Variants in EXD3 observed in about 807,000 individuals in gnomAD.
EXD3 encodes exonuclease 3'-5' domain containing 3.
EXD3 carries 92 observed loss-of-function variants against 98.0 expected under a neutral mutation model. The ratio of observed to expected loss-of-function variants is 0.94; its 90% CI spans 0.79 to 1.12. The LOEUF is 1.12. EXD3 is among the 50% of genes most tolerant of loss of function. EXD3 has a pLI of 0.00. For missense variants in EXD3, 1,222 were observed against 1,191.6 expected (o/e 1.03, Z -0.38); for synonymous variants, 569 against 526.0 (o/e 1.08, Z -1.12).
intron 1 of EXD3, among the ~76,000 whole-genome samples, chr9:137,402,203 A>G (rs1837506903): frequency 6.6e-6 from 1 of 151,992 alleles, no homozygotes; most frequent in South Asian, 2.1e-4. Context: ...TTTAGTAGAG[A>G]TGTGGTTTCA....
At chr9:137,325,772 A>G (rs966245051) in intron 17 of EXD3, among the ~76,000 whole-genome samples, 4 of 152,132 alleles carry the variant, frequency 2.6e-5, no homozygotes, top group Non-Finnish European at 4.4e-5. Context: ...ACCAACTCAA[A>G]AACATCAGAG....
intron 7 of EXD3, chr9:137,365,709 T>G (rs902610102): frequency 1.4e-5 from 4 of 278,016 alleles, no homozygotes; most frequent in Non-Finnish European, 2.7e-5. Flanking sequence ...TACACACCCA[T>G]GCACACACAC....
chr9:137,387,103 C>G (rs1836640059), intron 2 of EXD3, among the ~76,000 whole-genome samples: 1 of 151,548 alleles, frequency 6.6e-6, no homozygotes, highest in Non-Finnish European at 1.5e-5. Context: ...TGGCCCCCGG[C>G]CCCTACTCCT....
intron 19 of EXD3, among the ~76,000 whole-genome samples, chr9:137,320,963 C>G (rs9414689): frequency 0.62 from 94,990 of 152,134 alleles, 30,050 homozygotes; most frequent in East Asian, 0.78. Context: ...GCCCCTGGAG[C>G]CCAAGGCTGC....
intron 7 of EXD3, among the ~76,000 whole-genome samples, chr9:137,363,639 A>G (rs973704983): frequency 1.3e-5 from 2 of 151,990 alleles, no homozygotes; most frequent in Admixed American, 6.6e-5. Context: ...GCATCCAACC[A>G]TGGTGCAATT....
chr9:137,373,337 C>T, intron 4 of EXD3, 89 bp downstream of exon 4: 4 of 1,470,732 alleles, frequency 2.7e-6, no homozygotes, highest in African/African-American at 1.4e-5. Context: ...GAGCGGGCTG[C>T]AAAGGCCTGG....
intron 12 of EXD3, 41 bp downstream of exon 12, chr9:137,352,025 A>G: frequency 6.4e-7 from 1 of 1,572,814 alleles, no homozygotes; most frequent in Non-Finnish European, 8.6e-7. Context: ...TGGCAGGGGG[A>G]TCCCACCACC....
intron 2 of EXD3, among the ~76,000 whole-genome samples, chr9:137,387,017 C>A (rs1836633098): frequency 6.6e-6 from 1 of 150,788 alleles, no homozygotes; most frequent in South Asian, 2.1e-4. Flanking sequence ...GCCTGGCCCC[C>A]TCAGCACCCC....
intron 19 of EXD3, among the ~76,000 whole-genome samples, 177 bp from the exon 20 acceptor site, chr9:137,309,877 T>C (rs537239505): frequency 6.6e-6 from 1 of 152,336 alleles, no homozygotes; most frequent in South Asian, 2.1e-4. Flanking sequence ...TACCGCCTCC[T>C]GGAAGCCCTC....
Position 137,393,849 on chromosome 9 carries a change from G to C in EXD3, c.55+1454C>G, listed in dbSNP as rs905694476. On this transcript the variant is annotated intron_variant, in intron 2 of 21. Coordinates refer to ENST00000340951, the MANE Select transcript of EXD3 (RefSeq NM_017820.5). The surrounding 1 kb of genome is among the most constrained non-coding windows in gnomAD (Gnocchi z 4.6). ...AAAGGCAGTAAACCCACAACAAACTGAGGGCCTGCAGCCCAGGGCGAGGCG... is the reference window on the plus strand; with the variant it reads ...AAAGGCAGTAAACCCACAACAAACTCAGGGCCTGCAGCCCAGGGCGAGGCG... Among the ~76,000 whole-genome samples the C allele has an allele frequency of 7.9e-5, 12 of 152,176 alleles. No individual in the cohort carries two copies. Among genetic ancestry groups the C allele is most frequent in the African/African-American group, 2.9e-4 (12 of 41,426 alleles).
intron 16 of EXD3, 112 bp from the exon 17 acceptor site, chr9:137,348,350 C>G: frequency 1.7e-6 from 2 of 1,211,864 alleles, no homozygotes; most frequent in Non-Finnish European, 2.3e-6. Context: ...GTTTTATCTT[C>G]AAAAGATAAA....
intron 8 of EXD3, among the ~76,000 whole-genome samples, chr9:137,355,498 A>ACCTAGAAACACTGCAAAATCCAGAT (rs1564508308): frequency 1.1e-5 from 1 of 94,226 alleles, no homozygotes; most frequent in Non-Finnish European, 2.2e-5. Context: ...AGGATGGAGG[A>ACCTAGAAACACTGCAAAATCCAGAT]AGGAGGAAGG....
At chr9:137,415,076 C>T (rs1381416950) in intron 1 of EXD3, among the ~76,000 whole-genome samples, 8 of 151,902 alleles carry the variant, frequency 5.3e-5, no homozygotes, top group Non-Finnish European at 1.2e-4. Flanking sequence ...TTAGTAGAGA[C>T]GCGGTTTCAT....
chr9:137,356,509 C>G (rs146352466), intron 7 of EXD3, 141 bp from the exon 8 acceptor site: 1 of 616,668 alleles, frequency 1.6e-6, no homozygotes, highest in Non-Finnish European at 2.9e-6. Flanking sequence ...CACCGCCCCC[C>G]GCCCACCCCA....
chr9:137,354,143 G>A (rs1043846085), intron 10 of EXD3, 196 bp downstream of exon 10: 35 of 1,421,910 alleles, frequency 2.5e-5, no homozygotes, highest in African/African-American at 7.2e-5. Context: ...TGATGCCCTC[G>A]GCTCCCGCTC....
At chr9:137,348,338 CTGTTT>C in intron 16 of EXD3, 100 bp from the exon 17 acceptor site, 1 of 1,272,990 alleles carries the variant, frequency 7.9e-7, no homozygotes. Context: ...CACTCTGTCT[CTGTTT>C]TATCTTCAAA....
intron 3 of EXD3, among the ~76,000 whole-genome samples, chr9:137,382,751 G>A (rs1250392866): frequency 6.6e-6 from 1 of 152,060 alleles, no homozygotes; most frequent in African/African-American, 2.4e-5. Context: ...CTGCAGGAGC[G>A]ACCTCGGGCC....
Position 137,388,483 on chromosome 9 carries a change from G to A in EXD3, c.56-5106C>T, listed in dbSNP as rs187399438. ...ACGCACGCGGGAAACTGTGGGCTGT[G>A]GAGTGGGTGGCGCCGAAGGCTCTGT... is the stretch of plus-strand genomic sequence containing the variant. On this transcript the variant is annotated intron_variant, in intron 2 of 21. Coordinates refer to ENST00000340951, the MANE Select transcript of EXD3 (RefSeq NM_017820.5). 1.2e-3 allele frequency among the ~76,000 whole-genome samples: 178 copies of A among 152,290 alleles called. 1 individual carries two copies. The highest frequency in any genetic ancestry group is 4.1e-3 in the African/African-American group (169 of 41,568).
intron 20 of EXD3, among the ~76,000 whole-genome samples, chr9:137,309,065 G>A (rs563665695): frequency 9.2e-5 from 14 of 152,184 alleles, no homozygotes; most frequent in East Asian, 1.9e-4. Context: ...CGAGGGTAGG[G>A]GCCAGCAGTT....
Sources: allele counts gnomAD v4.1 joint callset (sites outside exome capture counted in the v4.1 genomes callset), GRCh38; gene constraint gnomAD v4.1.1; non-coding constraint Gnocchi (gnomAD v3.1); transcripts MANE v1.5; gene names NCBI Gene and HGNC (gene_info 2026-07-23, HGNC 2026-07-21).